The following PTPRM variants were observed in gnomAD, a reference collection of about 807,000 sequenced individuals.
The protein encoded by PTPRM is protein tyrosine phosphatase receptor type M, also known as receptor-type tyrosine-protein phosphatase mu.
A neutral mutation model predicts 186.7 loss-of-function variants in PTPRM; 47 were observed. That is an observed-to-expected ratio of 0.25 (90% CI 0.20 to 0.32). The LOEUF is 0.32. Ranked by LOEUF, PTPRM falls within the 10% of genes least tolerant of loss-of-function variation. PTPRM has a pLI of 1.00. For synonymous variants in PTPRM, 668 were observed against 674.9 expected (o/e 0.99, Z 0.16); for missense variants, 1,494 against 1,865.0 (o/e 0.80, Z 3.66).
At chr18:8,189,263 A>C (rs1171215985) in intron 14 of PTPRM, among the ~76,000 whole-genome samples, 12 of 146,838 alleles carry the variant, frequency 8.2e-5, no homozygotes, top group Non-Finnish European at 1.5e-4. Context: ...CTGTACTCCA[A>C]TCTGGGTAAG....
Position 8,208,095 on chromosome 18 carries a change from G to A in PTPRM, c.2301-35963G>A, listed in dbSNP as rs148055554. The stretch of plus-strand genomic sequence containing the variant: ...GAACCTCAGGGAGCAACAAAGGATG[G>A]GCATGGTCAGCAACCATAACCGTAA... On this transcript the variant is annotated intron_variant, in intron 14 of 32. Coordinates refer to ENST00000580170, the MANE Select transcript of PTPRM (RefSeq NM_001105244.2). 3.6e-3 allele frequency among the ~76,000 whole-genome samples: 550 copies of A among 152,304 alleles called. 1 individual carries two copies. The highest frequency in any genetic ancestry group is 0.012 in the African/African-American group (507 of 41,554).
Position 7,836,552 on chromosome 18 carries a change from G to A in PTPRM, c.197-51554G>A, listed in dbSNP as rs1349360524. On this transcript the variant is annotated intron_variant, in intron 2 of 32. Coordinates refer to ENST00000580170, the MANE Select transcript of PTPRM (RefSeq NM_001105244.2). ...GTAGTTTACACACCACAGTTATAGT[G>A]TTATATTCTGTGATTTTCTGTGTAC... 2.0e-5 allele frequency among the ~76,000 whole-genome samples: 3 copies of A among 152,184 alleles called. No individual in the cohort carries two copies. In the East Asian group the frequency reaches 5.8e-4, roughly 29 times the overall value.
chr18:7,659,117 T>TAC (rs10541547), intron 1 of PTPRM, among the ~76,000 whole-genome samples: 10,836 of 143,916 alleles, frequency 0.075, 410 homozygotes, highest in Middle Eastern at 0.095. Context: ...CACATGTATG[T>TAC]ACACACACAC....
chr18:8,275,582 A>G (rs1039996136), intron 19 of PTPRM, among the ~76,000 whole-genome samples: 8 of 152,084 alleles, frequency 5.3e-5, no homozygotes, highest in African/African-American at 1.9e-4. Flanking sequence ...TTTCCTGGCA[A>G]TTTTCTTGTG....
intron 14 of PTPRM, among the ~76,000 whole-genome samples, chr18:8,158,065 G>A (rs1305499511): frequency 6.6e-6 from 1 of 152,214 alleles, no homozygotes; most frequent in Non-Finnish European, 1.5e-5. Context: ...ATTCTCACCA[G>A]CCATCTCAGG....
chr18:7,748,991 T>C (rs1233809937), intron 1 of PTPRM: 2 of 152,242 alleles, frequency 1.3e-5, no homozygotes, highest in Non-Finnish European at 2.9e-5. Context: ...TTGATATTTC[T>C]TGATTACAAT....
chr18:8,307,786 A>G (rs149204387), intron 20 of PTPRM, among the ~76,000 whole-genome samples: 2,152 of 151,614 alleles, frequency 0.014, 49 homozygotes, highest in African/African-American at 0.049. Flanking sequence ...CCTGGGCAAC[A>G]AGAGTGAAAC....
At chr18:8,101,994 C>T (rs2091312035) in intron 11 of PTPRM, among the ~76,000 whole-genome samples, 2 of 152,164 alleles carry the variant, frequency 1.3e-5, no homozygotes, top group African/African-American at 2.4e-5. Context: ...AAGTGAATAT[C>T]ACAATAAAGC....
At chr18:7,984,677 T>C (rs1362518687) in intron 7 of PTPRM, among the ~76,000 whole-genome samples, 3 of 114,778 alleles carry the variant, frequency 2.6e-5, no homozygotes, top group Non-Finnish European at 5.8e-5. Flanking sequence ...TACACACATA[T>C]ATAATTATAT....
intron 3 of PTPRM, among the ~76,000 whole-genome samples, chr18:7,904,232 A>G (rs909519896): frequency 1.3e-5 from 2 of 152,214 alleles, no homozygotes; most frequent in African/African-American, 2.4e-5. Flanking sequence ...CCAGAATGCT[A>G]ACATTTTACA....
intron 14 of PTPRM, among the ~76,000 whole-genome samples, chr18:8,193,380 A>G (rs891744384): frequency 6.6e-6 from 1 of 152,192 alleles, no homozygotes; most frequent in Non-Finnish European, 1.5e-5. Flanking sequence ...GTGCTTACAA[A>G]TTGATTATGT....
intron 1 of PTPRM, among the ~76,000 whole-genome samples, chr18:7,688,892 G>C (rs1052369283): frequency 1.3e-5 from 2 of 152,186 alleles, no homozygotes; most frequent in Admixed American, 6.5e-5. Flanking sequence ...GTGGCTTCTT[G>C]CCTCTCTAGT....
intron 1 of PTPRM, among the ~76,000 whole-genome samples, chr18:7,731,938 G>A (rs558600463): frequency 7.2e-5 from 11 of 152,128 alleles, no homozygotes; most frequent in Admixed American, 2.0e-4. Flanking sequence ...TGAATAATTT[G>A]TACATCTGCA....
chr18:8,105,220 GT>G (rs2091463197), intron 11 of PTPRM, among the ~76,000 whole-genome samples: 1 of 152,164 alleles, frequency 6.6e-6, no homozygotes, highest in Admixed American at 6.5e-5. Context: ...AATCGCTACA[GT>G]GAGTGTTAGC....
intron 19 of PTPRM, chr18:8,270,444 C>T (rs2094757265): frequency 6.6e-6 from 1 of 152,096 alleles, no homozygotes; most frequent in Non-Finnish European, 1.5e-5. Context: ...GGAAAAGGAA[C>T]TCTTCTGCAT....
At chr18:7,585,652 T>G in intron 1 of PTPRM, among the ~76,000 whole-genome samples, 1 of 152,110 alleles carries the variant, frequency 6.6e-6, no homozygotes, top group East Asian at 1.9e-4. Flanking sequence ...CTCATCTATC[T>G]CCCTCTCATG....
intron 1 of PTPRM, among the ~76,000 whole-genome samples, chr18:7,693,663 C>G (rs539227205): frequency 6.6e-6 from 1 of 152,250 alleles, no homozygotes; most frequent in South Asian, 2.1e-4. Flanking sequence ...GTAATAGAAG[C>G]AATCTGTAAT....
chr18:7,865,111 T>G (rs1448426229), intron 2 of PTPRM, among the ~76,000 whole-genome samples: 1 of 152,030 alleles, frequency 6.6e-6, no homozygotes, highest in Non-Finnish European at 1.5e-5. Flanking sequence ...AGAGGATGGG[T>G]TTTTCTAAAT....
intron 7 of PTPRM, among the ~76,000 whole-genome samples, chr18:8,030,495 A>G (rs2085892339): frequency 1.3e-5 from 2 of 152,230 alleles, no homozygotes; most frequent in Admixed American, 6.5e-5. Context: ...TGACTGTGTT[A>G]GTGGCATTTC....
Sources: allele counts gnomAD v4.1 joint callset (sites outside exome capture counted in the v4.1 genomes callset), GRCh38; gene constraint gnomAD v4.1.1; transcripts MANE v1.5; gene names NCBI Gene and HGNC (gene_info 2026-07-23, HGNC 2026-07-21).